The following RABGEF1 variants were observed in gnomAD, a reference collection of about 807,000 sequenced individuals.
RABGEF1 encodes rab5 GDP/GTP exchange factor.
RABGEF1 carries 26 observed loss-of-function variants against 57.3 expected under a neutral mutation model. That is an observed-to-expected ratio of 0.45 (90% CI 0.33 to 0.63). The LOEUF (loss-of-function observed/expected upper bound fraction) is 0.63. RABGEF1 is among the 20% of genes least tolerant of loss of function. RABGEF1 has a pLI of 0.02. For synonymous variants in RABGEF1, 185 were observed against 210.7 expected, an observed-to-expected ratio of 0.88 and a Z score of 1.06; for missense variants, 464 against 607.6, an observed-to-expected ratio of 0.76 and a Z score of 2.48.
intron 3 of RABGEF1, among the ~76,000 whole-genome samples, chr7:66,781,786 C>T (rs866197939): frequency 3.9e-5 from 6 of 152,162 alleles, no homozygotes; most frequent in African/African-American, 4.8e-5. Context: ...CATTGGCCTC[C>T]GTGAACTCCA....
In RABGEF1 at chr7:66,810,561, C is replaced by T. The variant is rs764646351; in HGVS notation, c.*1277C>T. 2.6e-5 allele frequency: 4 copies of T among 152,122 alleles called. No individual in the cohort carries two copies. Among genetic ancestry groups the T allele is most frequent in the Non-Finnish European group, 5.9e-5 (4 of 68,022 alleles). 9.4% of individuals were successfully genotyped at this position (152,122 alleles called of 1,614,324 possible). A position where few individuals can be genotyped will look rare whatever the true frequency, so the allele number is the denominator to read the frequency against. On this transcript the variant is annotated 3_prime_UTR_variant, in exon 9 of 9. Coordinates refer to ENST00000284957, the MANE Select transcript of RABGEF1 (RefSeq NM_014504.3). ...ATGCACAGTGTGATGTTAACTAAAA[C>T]GAGTTAAATATTTAGGAGGCTTGAC...
the RABGEF1 span, among the ~76,000 whole-genome samples, chr7:66,656,269 A>T: frequency 6.6e-6 from 1 of 152,014 alleles, no homozygotes; most frequent in Admixed American, 6.6e-5. Flanking sequence ...GATGCGTGCC[A>T]CCACACCCAG....
chr7:66,806,724 A>T (rs1013149512), intron 8 of RABGEF1, among the ~76,000 whole-genome samples: 1 of 147,156 alleles, frequency 6.8e-6, no homozygotes, highest in Non-Finnish European at 1.5e-5. Flanking sequence ...GCTCACTGCA[A>T]CCTCCGTCTC....
At chr7:66,731,384 G>T (rs751806301) in intron 2 of RABGEF1, among the ~76,000 whole-genome samples, 74 of 152,218 alleles carry the variant, frequency 4.9e-4, no homozygotes, top group Admixed American at 7.9e-4. Context: ...CACCGTGTGG[G>T]GTTGAGGCTC....
At chr7:66,683,629 G>C (rs1157773517) in intron 1 of RABGEF1, among the ~76,000 whole-genome samples, 1 of 152,172 alleles carries the variant, frequency 6.6e-6, no homozygotes. Context: ...AATACTTTCT[G>C]CATGTGTCTT....
intron 2 of RABGEF1, among the ~76,000 whole-genome samples, chr7:66,715,549 T>C (rs1254683542): frequency 6.6e-6 from 1 of 152,256 alleles, no homozygotes; most frequent in Admixed American, 6.5e-5. Context: ...TCTACTTCCC[T>C]GGAGACTTCC....
intron 1 of RABGEF1, among the ~76,000 whole-genome samples, chr7:66,744,930 C>G (rs1030006266): frequency 1.3e-4 from 20 of 152,096 alleles, no homozygotes; most frequent in African/African-American, 4.6e-4. Flanking sequence ...CGGTGGCTCA[C>G]GCCTGTAATC....
chr7:66,773,135 G>A (rs905546488), intron 2 of RABGEF1, among the ~76,000 whole-genome samples: 2 of 146,274 alleles, frequency 1.4e-5, no homozygotes, highest in African/African-American at 5.0e-5. Flanking sequence ...CTCCTTTGCT[G>A]TCATTTGTAG....
intron 2 of RABGEF1, among the ~76,000 whole-genome samples, chr7:66,726,474 C>T (rs1261747288): frequency 6.6e-6 from 1 of 152,092 alleles, no homozygotes; most frequent in Non-Finnish European, 1.5e-5. Context: ...AAGCGATCCT[C>T]CCACCTCAGC....
intron 2 of RABGEF1, among the ~76,000 whole-genome samples, chr7:66,725,678 G>A (rs1056416471): frequency 7.2e-5 from 11 of 152,310 alleles, no homozygotes; most frequent in African/African-American, 2.2e-4. Context: ...AGTGCAGCTC[G>A]GATAGAAGGC....
intron 8 of RABGEF1, among the ~76,000 whole-genome samples, chr7:66,808,265 G>T (rs890879468): frequency 2.2e-4 from 34 of 151,730 alleles, no homozygotes; most frequent in African/African-American, 8.2e-4. Flanking sequence ...ACCCAGGCTG[G>T]AGTGCAGTGG....
In RABGEF1 at chr7:66,809,448, T is replaced by C; in HGVS notation, c.*164T>C. On this transcript the variant is annotated 3_prime_UTR_variant, in exon 9 of 9. Transcript: ENST00000284957. ...TTCGTTTTTCCTAGCAGGGGAACCT[T>C]AGTTAATAATAAAATACTACTTATT... 1 of 655,378 alleles carries C rather than the reference T, an allele frequency of 1.5e-6. No individual in the cohort carries two copies. Among genetic ancestry groups the C allele is most frequent in the Non-Finnish European group, 2.4e-6 (1 of 424,702 alleles). 40.6% of individuals were successfully genotyped at this position (655,378 alleles called of 1,614,324 possible). A position where few individuals can be genotyped will look rare whatever the true frequency, so the allele number is the denominator to read the frequency against.
intron 1 of RABGEF1, among the ~76,000 whole-genome samples, chr7:66,696,067 A>G (rs1792285303): frequency 1.3e-5 from 2 of 151,544 alleles, no homozygotes; most frequent in Non-Finnish European, 2.9e-5. Flanking sequence ...ACTTTAAAAT[A>G]TATATATATT....
chr7:66,805,978 C>T (rs1386843522), intron 8 of RABGEF1, among the ~76,000 whole-genome samples: 1 of 151,678 alleles, frequency 6.6e-6, no homozygotes, highest in African/African-American at 2.4e-5. Flanking sequence ...CTCCTGGACT[C>T]AAGCAGTCCT....
chr7:66,714,866 C>T (rs1475598632), intron 2 of RABGEF1, among the ~76,000 whole-genome samples: 3 of 152,098 alleles, frequency 2.0e-5, no homozygotes, highest in Non-Finnish European at 4.4e-5. Context: ...ACCCGGGAGG[C>T]GGAGCTTGTA....
chr7:66,697,301 T>G (rs1448303247), intron 1 of RABGEF1, among the ~76,000 whole-genome samples: 1 of 152,160 alleles, frequency 6.6e-6, no homozygotes, highest in Non-Finnish European at 1.5e-5. Flanking sequence ...CCATGTGCTG[T>G]AGGGGGCTTG....
chr7:66,765,352 A>C (rs1400683377), intron 1 of RABGEF1, among the ~76,000 whole-genome samples: 1 of 152,200 alleles, frequency 6.6e-6, no homozygotes, highest in Non-Finnish European at 1.5e-5. Flanking sequence ...TCTGTCTAAT[A>C]CATAGTGAGC....
At chr7:66,760,113 T>C (rs1469774278) in intron 1 of RABGEF1, among the ~76,000 whole-genome samples, 2 of 152,238 alleles carry the variant, frequency 1.3e-5, no homozygotes, top group Non-Finnish European at 2.9e-5. Flanking sequence ...CAGGCCCGTC[T>C]GAGAATGTGC....
the RABGEF1 span, among the ~76,000 whole-genome samples, chr7:66,660,274 T>A: frequency 5.3e-5 from 8 of 150,060 alleles, no homozygotes; most frequent in Non-Finnish European, 7.4e-5. Flanking sequence ...TGTAAACCCG[T>A]GAGGCTGAGC....
Sources: allele counts gnomAD v4.1 joint callset (sites outside exome capture counted in the v4.1 genomes callset), GRCh38; gene constraint gnomAD v4.1.1; transcripts MANE v1.5; gene names NCBI Gene and HGNC (gene_info 2026-07-23, HGNC 2026-07-21).